The following ATP6V1A variants were observed in gnomAD, a reference collection of about 807,000 sequenced individuals.
ATP6V1A encodes the protein V-type proton ATPase catalytic subunit A.
Under a neutral mutation model 70.1 loss-of-function variants are expected in ATP6V1A, and 18 were observed. The observed-to-expected ratio is 0.26, with a 90% confidence interval of 0.18 to 0.38. The LOEUF (loss-of-function observed/expected upper bound fraction) is 0.38. Ranked by LOEUF, ATP6V1A falls within the 10% of genes least tolerant of loss-of-function variation. The pLI, the probability that ATP6V1A is intolerant of heterozygous loss-of-function variation, is 1.00. For missense variants in ATP6V1A, 424 were observed against 772.4 expected, an observed-to-expected ratio of 0.55 and a Z score of 5.35; for synonymous variants, 232 against 253.8, an observed-to-expected ratio of 0.91 and a Z score of 0.82.
At chr3:113,807,228 G>A (rs1559762249) in intron 14 of ATP6V1A, among the ~76,000 whole-genome samples, 2 of 145,716 alleles carry the variant, frequency 1.4e-5, no homozygotes, top group Admixed American at 7.0e-5. Flanking sequence ...TGTCCAGGCT[G>A]GAGTACAGTG....
chr3:113,748,331 CTCTT>C (rs1475776890), intron 1 of ATP6V1A, among the ~76,000 whole-genome samples: 10 of 152,194 alleles, frequency 6.6e-5, no homozygotes, highest in Non-Finnish European at 1.3e-4. Context: ...TGTGGTTAAA[CTCTT>C]TTATTTATAC....
intron 6 of ATP6V1A, among the ~76,000 whole-genome samples, chr3:113,786,750 A>G (rs888676353): frequency 1.3e-4 from 19 of 151,858 alleles, no homozygotes; most frequent in African/African-American, 4.3e-4. Context: ...TACCAAAACA[A>G]TGTAACTCTG....
At chr3:113,778,488 G>A (rs1213124374) in intron 1 of ATP6V1A, among the ~76,000 whole-genome samples, 1 of 152,120 alleles carries the variant, frequency 6.6e-6, no homozygotes, top group Non-Finnish European at 1.5e-5. Context: ...CAGGAGGATC[G>A]CTAGAGTCCA....
intron 3 of ATP6V1A, 112 bp from the exon 4 acceptor site, chr3:113,784,112 G>T: frequency 1.0e-6 from 1 of 986,234 alleles, no homozygotes; most frequent in Non-Finnish European, 1.5e-6. Context: ...GAGAAAGTTT[G>T]GGAACTTCCG....
chr3:113,807,458 G>A (rs999762242), intron 14 of ATP6V1A, among the ~76,000 whole-genome samples: 29 of 152,142 alleles, frequency 1.9e-4, no homozygotes, highest in African/African-American at 6.8e-4. Flanking sequence ...TGGGATTACA[G>A]ACATGAGCCA....
At chr3:113,758,648 TG>T (rs1249534154) in intron 1 of ATP6V1A, among the ~76,000 whole-genome samples, 10 of 152,218 alleles carry the variant, frequency 6.6e-5, no homozygotes, top group Admixed American at 6.5e-5. Flanking sequence ...TGAACATTCA[TG>T]TAAGTCTTTG....
rs567572955 is a variant in ATP6V1A at position 113,770,319 on chromosome 3, G to C, written c.-13-8422G>C. ...CCTGCCTCGGCCTCCCAAAGTTCTGGGATTACAGGCATGAATTATCGAGAC... is the reference window on the plus strand; with the variant it reads ...CCTGCCTCGGCCTCCCAAAGTTCTGCGATTACAGGCATGAATTATCGAGAC... On this transcript the variant is annotated intron_variant, in intron 1 of 14. Coordinates refer to ENST00000273398, the MANE Select transcript of ATP6V1A (RefSeq NM_001690.4). Among the ~76,000 whole-genome samples the C allele has an allele frequency of 5.9e-5, 9 of 152,150 alleles. No homozygotes were observed. In the South Asian group the frequency reaches 1.0e-3, roughly 18 times the overall value.
chr3:113,798,830 G>T (rs1709180565), intron 12 of ATP6V1A, among the ~76,000 whole-genome samples: 1 of 152,126 alleles, frequency 6.6e-6, no homozygotes, highest in African/African-American at 2.4e-5. Flanking sequence ...CTGTATCTTG[G>T]ATTCTTCAAG....
chr3:113,790,935 C>CT (rs1709085904), intron 8 of ATP6V1A, among the ~76,000 whole-genome samples: 1 of 152,000 alleles, frequency 6.6e-6, no homozygotes, highest in African/African-American at 2.4e-5. Context: ...AAGCTGGCCT[C>CT]TTTTTTTCCT....
chr3:113,769,699 C>T (rs1352380688), intron 1 of ATP6V1A, among the ~76,000 whole-genome samples: 3 of 152,176 alleles, frequency 2.0e-5, no homozygotes, highest in Non-Finnish European at 4.4e-5. Flanking sequence ...TTATTTGCCA[C>T]TGCAGTGTTC....
intron 1 of ATP6V1A, among the ~76,000 whole-genome samples, chr3:113,754,361 G>A (rs1708623883): frequency 6.6e-6 from 1 of 151,862 alleles, no homozygotes; most frequent in Admixed American, 6.6e-5. Context: ...CCCTCTACCA[G>A]TAAAAACTAA....
At chr3:113,769,279 T>G (rs751726958) in intron 1 of ATP6V1A, among the ~76,000 whole-genome samples, 3 of 152,212 alleles carry the variant, frequency 2.0e-5, no homozygotes, top group African/African-American at 4.8e-5. Context: ...ATTAAACAGA[T>G]TTAAGATACC....
At chr3:113,759,235 G>A (rs1577080493) in intron 1 of ATP6V1A, among the ~76,000 whole-genome samples, 1 of 146,062 alleles carries the variant, frequency 6.8e-6, no homozygotes, top group African/African-American at 2.5e-5. Context: ...ATAGTTTTAG[G>A]TTTTACATTT....
At chr3:113,789,278 C>A (rs1175268190) in intron 7 of ATP6V1A, among the ~76,000 whole-genome samples, 2 of 152,134 alleles carry the variant, frequency 1.3e-5, no homozygotes, top group Non-Finnish European at 2.9e-5. Flanking sequence ...GAACTCCTGA[C>A]CTCCAATAAT....
At chr3:113,798,217 T>C (rs905437737) in intron 11 of ATP6V1A, 26 bp from the exon 12 acceptor site, 8 of 1,608,188 alleles carry the variant, frequency 5.0e-6, no homozygotes, top group Non-Finnish European at 6.8e-6. Flanking sequence ...AATTACTGTT[T>C]TTGTGTGTGT....
At chr3:113,782,221 TTAAA>T (rs1708983935) in intron 3 of ATP6V1A, among the ~76,000 whole-genome samples, 1 of 152,188 alleles carries the variant, frequency 6.6e-6, no homozygotes, top group African/African-American at 2.4e-5. Context: ...TCTAGAAATT[TTAAA>T]TAAAAATAGA....
intron 8 of ATP6V1A, among the ~76,000 whole-genome samples, chr3:113,791,237 G>T (rs1222997232): frequency 6.6e-6 from 1 of 151,852 alleles, no homozygotes; most frequent in Non-Finnish European, 1.5e-5. Context: ...ATTTAGCCTT[G>T]TGTCTGTTCA....
chr3:113,807,798 G>A (rs1281988780), intron 14 of ATP6V1A, among the ~76,000 whole-genome samples: 2 of 152,064 alleles, frequency 1.3e-5, no homozygotes, highest in East Asian at 1.9e-4. Context: ...ATTGTTTTGT[G>A]GCTGGAGAGT....
intron 1 of ATP6V1A, among the ~76,000 whole-genome samples, chr3:113,755,842 C>T (rs939752838): frequency 1.1e-4 from 17 of 152,174 alleles, no homozygotes; most frequent in African/African-American, 4.1e-4. Flanking sequence ...CAAATGGTAG[C>T]ACCTCTTCGT....
Sources: allele counts gnomAD v4.1 joint callset (sites outside exome capture counted in the v4.1 genomes callset), GRCh38; gene constraint gnomAD v4.1.1; transcripts MANE v1.5; gene names NCBI Gene and HGNC (gene_info 2026-07-23, HGNC 2026-07-21).